Variants in EP300 observed in about 807,000 individuals in gnomAD.
The protein encoded by EP300 is EP300 lysine acetyltransferase.
In EP300, 31 loss-of-function variants were observed where a neutral mutation model predicts 264.0. That is an observed-to-expected ratio of 0.12 (90% CI 0.09 to 0.16). The LOEUF is 0.16. Among genes scored for constraint, EP300 ranks in the 10% least tolerant of loss-of-function variants. EP300 has a pLI of 1.00. For missense variants in EP300, 2,766 were observed against 3,052.9 expected, an observed-to-expected ratio of 0.91 and a Z score of 2.21; for synonymous variants, 1,340 against 1,045.4, an observed-to-expected ratio of 1.28 and a Z score of -5.44.
chr22:41,161,418 C>T (rs9623339), intron 20 of EP300, among the ~76,000 whole-genome samples: 6,715 of 152,174 alleles, frequency 0.044, 515 homozygotes, highest in African/African-American at 0.15. Flanking sequence ...GAGATCGAGA[C>T]CATCCTGGCT....
rs2059210198 is a variant in EP300 at position 41,177,709 on chromosome 22, T to G, written c.5998T>G (p.Leu2000Val). The change falls in exon 31 of 31, where the codon TTG becomes GTG. Residue 2000 changes from leucine (L) to valine (V), a missense_variant. Transcript: ENST00000263253. Reference sequence around the variant, plus strand: ...ACAGCCACCCTGGAGCCAAGGAGGATTGCCTCAGCCCCAGCAACTACAGTC... The same window carrying G: ...ACAGCCACCCTGGAGCCAAGGAGGAGTGCCTCAGCCCCAGCAACTACAGTC... ...QQQPPWSQGG[L>V]PQPQQLQSGM... 6.2e-7 allele frequency: 1 copy of G among 1,613,698 alleles called. No individual in the cohort carries two copies. The highest frequency in any genetic ancestry group is 8.5e-7 in the Non-Finnish European group (1 of 1,180,004).
chr22:41,139,993 A>C, intron 8 of EP300, 147 bp from the exon 9 acceptor site: 1 of 660,904 alleles, frequency 1.5e-6, no homozygotes, highest in Non-Finnish European at 2.7e-6. Flanking sequence ...TTTGTTTATC[A>C]CAAAAAGATA....
At chr22:41,133,657 C>A (rs1009245916) in intron 6 of EP300, among the ~76,000 whole-genome samples, 2 of 152,098 alleles carry the variant, frequency 1.3e-5, no homozygotes, top group Admixed American at 6.6e-5. Context: ...GGATGCCAAC[C>A]AACCCATACT....
chr22:41,134,948 C>T (rs1015724053), intron 6 of EP300, among the ~76,000 whole-genome samples: 94 of 152,180 alleles, frequency 6.2e-4, no homozygotes, highest in Admixed American at 1.7e-3. Flanking sequence ...CACTCTGTCG[C>T]CCAGGCTGGA....
At chr22:41,109,574 A>G (rs2058777262) in intron 1 of EP300, among the ~76,000 whole-genome samples, 1 of 152,212 alleles carries the variant, frequency 6.6e-6, no homozygotes, top group African/African-American at 2.4e-5. Flanking sequence ...GAATAACAAT[A>G]GGTAACATGT....
intron 19 of EP300, chr22:41,158,805 G>T: frequency 2.6e-6 from 1 of 378,270 alleles, no homozygotes; most frequent in Non-Finnish European, 5.0e-6. Flanking sequence ...TGTGTTTGTT[G>T]ATCACCACAG....
intron 1 of EP300, among the ~76,000 whole-genome samples, chr22:41,104,713 C>T (rs1463646233): frequency 6.6e-6 from 1 of 152,130 alleles, no homozygotes; most frequent in Non-Finnish European, 1.5e-5. Flanking sequence ...TAAAGCACTT[C>T]ACCTCTTTAA....
Position 41,179,785 on chromosome 22 carries a change from G to T in EP300, c.*829G>T, listed in dbSNP as rs1003801953. 7.0e-5 allele frequency: 16 copies of T among 229,346 alleles called. No individual in the cohort carries two copies. The highest frequency in any genetic ancestry group is 3.6e-4 in the African/African-American group (16 of 44,984). The allele number at this position is 229,346 out of a possible 1,614,324, so 14.2% of individuals were successfully genotyped here. On this transcript the variant is annotated 3_prime_UTR_variant, in exon 31 of 31. Transcript: ENST00000263253. ...ACAAAGTAAAAAAATTAAAAAGAGG[G>T]TAAGAAACGATTCCGGTGGGATGAT...
intron 9 of EP300, 102 bp from the exon 10 acceptor site, chr22:41,140,946 T>C: frequency 8.8e-7 from 1 of 1,139,214 alleles, no homozygotes; most frequent in Non-Finnish European, 1.3e-6. Flanking sequence ...TAATGCAGCA[T>C]ATAAAATGAA....
chr22:41,178,988 A>G lies in EP300; in HGVS notation c.*32A>G, dbSNP rs764668171. On this transcript the variant is annotated 3_prime_UTR_variant, in exon 31 of 31. Transcript: ENST00000263253. ...CTTGTAGTATTTTGGGAGCAAAAAA[A>G]TTATTTTCTCTTAACAAGACTTTTT... 1.9e-6 allele frequency: 3 copies of G among 1,611,388 alleles called. No homozygotes were observed. The highest frequency in any genetic ancestry group is 2.2e-5 in the East Asian group (1 of 44,892).
rs2059164214 is a variant in EP300 at position 41,170,639 on chromosome 22, G to A, written c.4452+68G>A. ...AAATGCACTAATGTTGCTGCTCTTT[G>A]TTCTGTCATTTAACTTTTTTTTTTT... is the stretch of plus-strand genomic sequence containing the variant. On this transcript the variant is annotated intron_variant, in intron 27 of 30. Coordinates refer to ENST00000263253, the MANE Select transcript of EP300 (RefSeq NM_001429.4). 9 of 762,988 alleles carry A rather than the reference G, an allele frequency of 1.2e-5. No homozygotes were observed. The South Asian group carries it at 1.4e-4, about 12-fold the overall frequency. 47.3% of individuals were successfully genotyped at this position (762,988 alleles called of 1,614,324 possible).
chr22:41,166,728 A>G, intron 23 of EP300, 62 bp downstream of exon 23: 1 of 1,130,126 alleles, frequency 8.8e-7, no homozygotes, highest in Non-Finnish European at 1.3e-6. Context: ...ATAAGAAACC[A>G]TCCAAAGTGA....
rs1278721851 is a variant in EP300, at chr22:41,179,491, T to G, written c.*535T>G. The stretch of plus-strand genomic sequence containing the variant: ...AAATATATATTAAAATACCAGTTTT[T>G]TTTCTCTGGGTGCAAAGATGTTCAT... On this transcript the variant is annotated 3_prime_UTR_variant, in exon 31 of 31. Coordinates refer to ENST00000263253, the MANE Select transcript of EP300 (RefSeq NM_001429.4). 1 of 173,132 alleles carries G rather than the reference T, an allele frequency of 5.8e-6. No homozygotes were observed. Among genetic ancestry groups the G allele is most frequent in the Non-Finnish European group, 1.2e-5 (1 of 82,246 alleles). 10.7% of individuals were successfully genotyped at this position (173,132 alleles called of 1,614,324 possible).
chr22:41,099,751 A>G (rs954062787), intron 1 of EP300, among the ~76,000 whole-genome samples: 4 of 152,224 alleles, frequency 2.6e-5, no homozygotes, highest in African/African-American at 9.6e-5. Flanking sequence ...ATTAAGTAAA[A>G]TAAGGGTTAC....
chr22:41,176,097 G>A, intron 29 of EP300, 150 bp from the exon 30 acceptor site: 1 of 845,416 alleles, frequency 1.2e-6, no homozygotes, highest in South Asian at 1.6e-5. Context: ...GTGTGGGCCT[G>A]TGGTCTCAGC....
intron 10 of EP300, among the ~76,000 whole-genome samples, chr22:41,144,759 C>T (rs113857591): frequency 6.6e-6 from 1 of 152,114 alleles, no homozygotes; most frequent in African/African-American, 2.4e-5. Flanking sequence ...ATAATAGATA[C>T]ATTCGTATCT....
In EP300 at chr22:41,127,543, A is replaced by G. The variant is rs1216571196; in HGVS notation, c.963A>G (p.Gln321=). The G allele has an allele frequency of 6.2e-7, 1 of 1,614,220 alleles. No individual in the cohort carries two copies. The highest frequency in any genetic ancestry group is 1.7e-5 in the Admixed American group (1 of 60,022). The change falls in exon 4 of 31, where the codon CAA becomes CAG. Residue 321 remains glutamine, a synonymous_variant. Transcript: ENST00000263253. ...CAGGCCTGGTGACTCCAGTTGCCCA[A>G]GGGATGGGTTCTGGAGCACATACAG... is the stretch of plus-strand genomic sequence containing the variant. ...QQPGLVTPVA[Q]GMGSGAHTAD...
At position 41,179,528 on chromosome 22, in the gene EP300, AT is replaced by A. The variant is rs2059227610; in HGVS notation, c.*573del. ...GCAAAGATGTTCATTCTTTTAAAAAATGTTTAAAAAAAAAAAAAAACTGCCT... is the reference window on the plus strand; with the variant it reads ...GCAAAGATGTTCATTCTTTTAAAAAAGTTTAAAAAAAAAAAAAAACTGCCT... On this transcript the variant is annotated 3_prime_UTR_variant, in exon 31 of 31. Transcript: ENST00000263253. 5.9e-6 allele frequency: 1 copy of A among 170,548 alleles called. No individual in the cohort carries two copies. The highest frequency in any genetic ancestry group is 1.2e-5 in the Non-Finnish European group (1 of 83,916). The allele number at this position is 170,548 out of a possible 1,614,324, so 10.6% of individuals were successfully genotyped here.
intron 25 of EP300, 146 bp downstream of exon 25, chr22:41,169,013 A>G (rs1046573333): frequency 5.0e-6 from 6 of 1,190,290 alleles, no homozygotes; most frequent in Middle Eastern, 2.7e-4. Flanking sequence ...TTAAAGTGAA[A>G]CAGATTAAAA....
Sources: gnomAD v4.1 joint callset for allele counts (sites outside exome capture counted in the v4.1 genomes callset) on GRCh38, gnomAD v4.1.1 for gene constraint, MANE v1.5 for transcripts, NCBI Gene and HGNC (gene_info 2026-07-23, HGNC 2026-07-21) for gene names.